Variants in GALNT9 observed in about 807,000 individuals in gnomAD.
The protein encoded by GALNT9 is polypeptide N-acetylgalactosaminyltransferase 9.
A neutral mutation model predicts 63.1 loss-of-function variants in GALNT9; 47 were observed. That is an observed-to-expected ratio of 0.75 (90% CI 0.59 to 0.95). GALNT9 has a LOEUF of 0.95. Ranked by LOEUF, GALNT9 falls within the 40% of genes least tolerant of loss-of-function variation. GALNT9 has a pLI of 0.00. For synonymous variants in GALNT9, 396 were observed against 365.7 expected (o/e 1.08, Z -0.94); for missense variants, 829 against 874.8 (o/e 0.95, Z 0.66).
chr12:132,196,997 C>T lies in GALNT9; in HGVS notation c.*110G>A. On this transcript the variant is annotated 3_prime_UTR_variant, in exon 11 of 11. Coordinates refer to ENST00000328957, the MANE Select transcript of GALNT9 (RefSeq NM_001122636.2). ...CCCTCAGCCTCTGCTGTCCTGGCCG[C>T]ACATAGAGCCCTGTCCTGCTGTGTC... The T allele has an allele frequency of 6.5e-7, 1 of 1,537,926 alleles. No homozygotes were observed. Among genetic ancestry groups the T allele is most frequent in the South Asian group, 1.3e-5 (1 of 79,250 alleles).
chr12:132,325,632 G>A (rs889456363), intron 1 of GALNT9, among the ~76,000 whole-genome samples: 6 of 152,148 alleles, frequency 3.9e-5, no homozygotes, highest in African/African-American at 1.2e-4. Flanking sequence ...TGAAACCAGC[G>A]CCACCTCGCT....
Position 132,257,709 on chromosome 12 carries a change from G to T in GALNT9, c.939C>A (p.Gly313=). The change falls in exon 5 of 11, where the codon GGC becomes GGA. Residue 313 remains glycine (G), a synonymous_variant. Transcript: ENST00000328957. ...IIPPQDWLDR[G]DESAPIRTPA... ...CTCACCTGATGGGTGCTGACTCGTC[G>T]CCGCGGTCCAGCCAGTCCTGCGGGG... 2 of 1,549,730 alleles carry T rather than the reference G, an allele frequency of 1.3e-6. No individual in the cohort carries two copies. The highest frequency in any genetic ancestry group is 1.7e-6 in the Non-Finnish European group (2 of 1,146,670).
In GALNT9 at chr12:132,238,176, G is replaced by A. The variant is rs118116441; in HGVS notation, c.1077+9734C>T. Among the ~76,000 whole-genome samples the A allele has an allele frequency of 0.011, 1,627 of 152,306 alleles. 9 individuals carry two copies. The highest frequency in any genetic ancestry group is 0.017 in the Non-Finnish European group (1,139 of 68,028). On this transcript the variant is annotated intron_variant, in intron 6 of 10. Coordinates refer to ENST00000328957, the MANE Select transcript of GALNT9 (RefSeq NM_001122636.2). This position sits in a 1 kb window ranked among gnomAD's most constrained non-coding sequence, Gnocchi z 6.5. ...GCCTGGCTGATGCTTCCAAGGCTAA[G>A]GACGCGGGCAGGGGCTGCTCAGGAC...
Position 132,273,809 on chromosome 12 carries a change from G to T in GALNT9, c.420-11184C>A, listed in dbSNP as rs1171239741. ...GGCTGGGCAGAGGCGACGCAGCTGGGGACAGGCCAGGAATGTCGGCCCCAT... is the reference window on the plus strand; with the variant it reads ...GGCTGGGCAGAGGCGACGCAGCTGGTGACAGGCCAGGAATGTCGGCCCCAT... On this transcript the variant is annotated intron_variant, in intron 2 of 10. Transcript: ENST00000328957. 5 of 152,456 alleles carry T rather than the reference G, an allele frequency of 3.3e-5. No individual in the cohort carries two copies. The East Asian group carries it at 9.6e-4, about 29-fold the overall frequency. 9.4% of individuals were successfully genotyped at this position (152,456 alleles called of 1,614,324 possible). A position where few individuals can be genotyped will look rare whatever the true frequency, so the allele number is the denominator to read the frequency against.
At chr12:132,309,064 G>A (rs1441855479) in intron 1 of GALNT9, among the ~76,000 whole-genome samples, 3 of 152,240 alleles carry the variant, frequency 2.0e-5, no homozygotes, top group South Asian at 2.1e-4. Flanking sequence ...CCTGCAGGGC[G>A]GTGGGCAGAA....
At chr12:132,311,499 G>A (rs910408932) in intron 1 of GALNT9, among the ~76,000 whole-genome samples, 15 of 152,150 alleles carry the variant, frequency 9.9e-5, no homozygotes, top group African/African-American at 2.9e-4. Context: ...CCTAGGCCTC[G>A]GGTTATGCCT....
At chr12:132,253,388 T>C (rs1878998029) in intron 5 of GALNT9, among the ~76,000 whole-genome samples, 2 of 151,876 alleles carry the variant, frequency 1.3e-5, no homozygotes, top group South Asian at 4.2e-4. Flanking sequence ...TCCCAGACAC[T>C]GGCGTTACCG....
intron 6 of GALNT9, among the ~76,000 whole-genome samples, chr12:132,210,701 G>A (rs1876917893): frequency 6.6e-6 from 1 of 152,202 alleles, no homozygotes; most frequent in Non-Finnish European, 1.5e-5. Context: ...CAGGGAAGCT[G>A]ACCATCTTAA....
At chr12:132,210,794 G>A (rs112356217) in intron 6 of GALNT9, among the ~76,000 whole-genome samples, 3,582 of 151,822 alleles carry the variant, frequency 0.024, 150 homozygotes, top group African/African-American at 0.081. Context: ...GGAGGTCGCC[G>A]TCTGGCGGTT....
intron 6 of GALNT9, among the ~76,000 whole-genome samples, chr12:132,216,030 G>A (rs1240518428): frequency 6.6e-6 from 1 of 152,098 alleles, no homozygotes; most frequent in Non-Finnish European, 1.5e-5. Flanking sequence ...ACACACAGGG[G>A]CTTGTCCATG....
At chr12:132,269,381 C>T (rs1555240521) in intron 2 of GALNT9, among the ~76,000 whole-genome samples, 3 of 152,216 alleles carry the variant, frequency 2.0e-5, no homozygotes, top group African/African-American at 4.8e-5. Flanking sequence ...GGAGCGGGAC[C>T]GCCAGGCGGA....
At chr12:132,287,540 C>T (rs1593106126) in intron 1 of GALNT9, among the ~76,000 whole-genome samples, 2 of 152,110 alleles carry the variant, frequency 1.3e-5, no homozygotes, top group Admixed American at 6.5e-5. Context: ...ACACACGTGA[C>T]GCCAAGCCAA....
chr12:132,240,854 C>T, intron 6 of GALNT9: 2 of 329,650 alleles, frequency 6.1e-6, no homozygotes, highest in South Asian at 4.1e-5. Flanking sequence ...CACACCACAC[C>T]CCCTTCCCAG....
intron 7 of GALNT9, among the ~76,000 whole-genome samples, chr12:132,202,217 G>C (rs572780555): frequency 6.6e-6 from 1 of 152,248 alleles, no homozygotes; most frequent in Non-Finnish European, 1.5e-5. Flanking sequence ...GGCATTTGCC[G>C]GCCTCACTGC....
At chr12:132,307,137 T>A (rs1323770025) in intron 1 of GALNT9, among the ~76,000 whole-genome samples, 1 of 152,066 alleles carries the variant, frequency 6.6e-6, no homozygotes, top group Admixed American at 6.5e-5. Context: ...GGCATGTGTG[T>A]CTGGGGCAAT....
intron 6 of GALNT9, chr12:132,240,358 A>C (rs2136898129): frequency 5.8e-6 from 2 of 342,852 alleles, no homozygotes; most frequent in African/African-American, 4.3e-5. Flanking sequence ...GGGAGACCCC[A>C]CTGTACACCC....
intron 1 of GALNT9, among the ~76,000 whole-genome samples, chr12:132,308,139 T>C (rs1881683945): frequency 6.6e-6 from 1 of 151,544 alleles, no homozygotes; most frequent in Non-Finnish European, 1.5e-5. Context: ...AGGCAGAGGG[T>C]GCAGCAGCGT....
chr12:132,257,871 C>T lies in GALNT9; in HGVS notation c.777G>A (p.Leu259=). The change falls in exon 5 of 11, where the codon CTG becomes CTA. Residue 259 remains leucine (L), a synonymous_variant. Transcript: ENST00000328957. The stretch of plus-strand genomic sequence containing the variant: ...GACGCCGGTCCTCTCGGATCCGCGA[C>T]AGTGCGGGCTCGGCCCTGCGGAGGC... The part of the protein sequence containing the change: ...EFNTGWAEPA[L]SRIREDRRRI... The T allele has an allele frequency of 1.9e-6, 3 of 1,544,642 alleles. No individual in the cohort carries two copies. The highest frequency in any genetic ancestry group is 2.6e-6 in the Non-Finnish European group (3 of 1,144,482).
rs782019709 is a variant in GALNT9 at position 132,286,228 on chromosome 12, TG to T, written c.419+21del. 3 of 1,463,600 alleles carry T rather than the reference TG, an allele frequency of 2.0e-6. No homozygotes were observed. The highest frequency in any genetic ancestry group is 1.8e-4 in the Middle Eastern group (1 of 5,624). 90.7% of individuals were successfully genotyped at this position (1,463,600 alleles called of 1,614,324 possible). ...CACTTCCTCGGCGGGCGTCGGGGGATGGGGGGCAGTCACTCACTCACTTTCT... is the reference window on the plus strand; with the variant it reads ...CACTTCCTCGGCGGGCGTCGGGGGATGGGGGCAGTCACTCACTCACTTTCT... On this transcript the variant is annotated intron_variant, in intron 2 of 10. Coordinates refer to ENST00000328957, the MANE Select transcript of GALNT9 (RefSeq NM_001122636.2). This position sits in a 1 kb window ranked among gnomAD's most constrained non-coding sequence, Gnocchi z 7.4.
Sources: gnomAD v4.1 joint callset for allele counts (sites outside exome capture counted in the v4.1 genomes callset) on GRCh38, gnomAD v4.1.1 for gene constraint, Gnocchi (gnomAD v3.1) non-coding constraint, MANE v1.5 for transcripts, NCBI Gene and HGNC (gene_info 2026-07-23, HGNC 2026-07-21) for gene names.